DPP6: variants seen among roughly 807,000 people sequenced by gnomAD.
The protein encoded by DPP6 is A-type potassium channel modulatory protein DPP6.
Under a neutral mutation model 122.6 loss-of-function variants are expected in DPP6, and 69 were observed. The observed-to-expected ratio is 0.56, with a 90% confidence interval of 0.46 to 0.69. DPP6 has a LOEUF of 0.69. Ranked by LOEUF, DPP6 falls within the 30% of genes least tolerant of loss-of-function variation. The pLI is 0.00. For missense variants in DPP6, 928 were observed against 1,116.9 expected (o/e 0.83, Z 2.41); for synonymous variants, 418 against 433.1 (o/e 0.97, Z 0.43).
the DPP6 span, among the ~76,000 whole-genome samples, chr7:153,848,042 G>A: frequency 1.3e-5 from 2 of 152,166 alleles, no homozygotes; most frequent in African/African-American, 4.8e-5. Context: ...TCAAGCGACG[G>A]ATGAAAAAAT....
At chr7:154,114,041 C>T (rs367595576) in intron 1 of DPP6, among the ~76,000 whole-genome samples, 10 of 151,824 alleles carry the variant, frequency 6.6e-5, no homozygotes, top group African/African-American at 1.5e-4. Flanking sequence ...TTTCTATTTG[C>T]GGATGACATG....
intron 10 of DPP6, among the ~76,000 whole-genome samples, chr7:154,791,467 C>T (rs1021898157): frequency 2.0e-5 from 3 of 152,068 alleles, no homozygotes; most frequent in African/African-American, 7.2e-5. Context: ...CATCAGATCT[C>T]GTGAGAACTT....
intron 1 of DPP6, among the ~76,000 whole-genome samples, chr7:153,958,806 T>C (rs1795199233): frequency 6.6e-6 from 1 of 151,836 alleles, no homozygotes; most frequent in East Asian, 1.9e-4. Flanking sequence ...TCCTGGGGTG[T>C]GTAGAGAGAG....
intron 1 of DPP6, among the ~76,000 whole-genome samples, chr7:154,146,405 C>G (rs1199898003): frequency 6.8e-6 from 1 of 146,836 alleles, no homozygotes; most frequent in Admixed American, 6.9e-5. Context: ...TTCCTGTGTA[C>G]CCTGATACCT....
chr7:154,367,135 C>T (rs1812256178), intron 1 of DPP6, among the ~76,000 whole-genome samples: 1 of 152,120 alleles, frequency 6.6e-6, no homozygotes, highest in Non-Finnish European at 1.5e-5. Context: ...ATAATTGTTT[C>T]CAAATAATGG....
At chr7:153,905,652 G>GA (rs1263282268) in intron 1 of DPP6, among the ~76,000 whole-genome samples, 6 of 151,964 alleles carry the variant, frequency 3.9e-5, no homozygotes, top group South Asian at 4.2e-4. Flanking sequence ...TTTAAAAAGA[G>GA]AAAAAAAATT....
chr7:154,495,065 C>T (rs995639697), intron 3 of DPP6, among the ~76,000 whole-genome samples: 1 of 152,170 alleles, frequency 6.6e-6, no homozygotes, highest in African/African-American at 2.4e-5. Flanking sequence ...GTAGAGGCGT[C>T]TGGTATGAGG....
intron 1 of DPP6, among the ~76,000 whole-genome samples, chr7:154,110,883 G>A (rs1368553554): frequency 1.3e-5 from 2 of 151,974 alleles, no homozygotes; most frequent in African/African-American, 4.8e-5. Flanking sequence ...GAAAGCAAGA[G>A]GTTAATGTGG....
intron 5 of DPP6, among the ~76,000 whole-genome samples, chr7:154,611,287 A>G (rs1833895465): frequency 6.6e-6 from 1 of 152,172 alleles, no homozygotes; most frequent in Non-Finnish European, 1.5e-5. Context: ...TTACGTACGA[A>G]CACACATCAC....
chr7:154,452,049 A>C (rs1227951793), intron 2 of DPP6, among the ~76,000 whole-genome samples: 1 of 152,242 alleles, frequency 6.6e-6, no homozygotes, highest in Non-Finnish European at 1.5e-5. Context: ...GCTCCAGAGC[A>C]GTGTCAAATT....
At chr7:154,805,018 G>A (rs1798609249) in intron 15 of DPP6, 54 bp downstream of exon 15, 1 of 1,553,614 alleles carries the variant, frequency 6.4e-7, no homozygotes, top group Non-Finnish European at 8.7e-7. Flanking sequence ...GGGCATCCAG[G>A]CTTTGCAGAA....
At chr7:154,227,318 G>T (rs781607083) in intron 1 of DPP6, among the ~76,000 whole-genome samples, 1 of 150,884 alleles carries the variant, frequency 6.6e-6, no homozygotes, top group Non-Finnish European at 1.5e-5. Context: ...ATTATACTAA[G>T]TGAAATAAGC....
chr7:154,628,882 G>A (rs913922276), intron 5 of DPP6, among the ~76,000 whole-genome samples: 12 of 152,254 alleles, frequency 7.9e-5, no homozygotes, highest in African/African-American at 9.6e-5. Flanking sequence ...GTGGCAATTC[G>A]CGAAGTATTT....
intron 16 of DPP6, among the ~76,000 whole-genome samples, chr7:154,826,816 G>T (rs2150510404): frequency 6.6e-6 from 1 of 152,310 alleles, no homozygotes; most frequent in African/African-American, 2.4e-5. Context: ...AGAGAAAAAT[G>T]AGCAGAGACG....
chr7:154,783,740 T>C (rs916992748), intron 10 of DPP6, among the ~76,000 whole-genome samples: 2 of 152,166 alleles, frequency 1.3e-5, no homozygotes, highest in Non-Finnish European at 2.9e-5. Context: ...GTCCCACGCC[T>C]TGGGACAGAA....
intron 5 of DPP6, among the ~76,000 whole-genome samples, chr7:154,635,224 AG>A (rs1364046327): frequency 6.6e-6 from 1 of 152,170 alleles, no homozygotes; most frequent in African/African-American, 2.4e-5. Context: ...TTGCATGGTA[AG>A]GAGCTGTCAG....
intron 10 of DPP6, among the ~76,000 whole-genome samples, chr7:154,783,737 G>A (rs191395089): frequency 4.4e-4 from 67 of 152,244 alleles, no homozygotes; most frequent in Non-Finnish European, 7.5e-4. Context: ...CAGGTCCCAC[G>A]CCTTGGGACA....
chr7:153,965,031 C>CCTTCCTTCCTTT (rs1373802306), intron 1 of DPP6, among the ~76,000 whole-genome samples: 37 of 120,076 alleles, frequency 3.1e-4, no homozygotes, highest in African/African-American at 1.6e-3. Flanking sequence ...TTCCTTCCTT[C>CCTTCCTTCCTTT]CTTTCTTTCT....
At chr7:154,429,253 C>T (rs1818164025) in intron 1 of DPP6, among the ~76,000 whole-genome samples, 1 of 152,006 alleles carries the variant, frequency 6.6e-6, no homozygotes, top group South Asian at 2.1e-4. Context: ...ATCCATCCAG[C>T]TGGTCAGTGG....
Sources: gnomAD v4.1 joint callset for allele counts (sites outside exome capture counted in the v4.1 genomes callset) on GRCh38, gnomAD v4.1.1 for gene constraint, MANE v1.5 for transcripts, NCBI Gene and HGNC (gene_info 2026-07-23, HGNC 2026-07-21) for gene names.